DPP10: variants seen among roughly 807,000 people sequenced by gnomAD.
The protein encoded by DPP10 is inactive dipeptidyl peptidase 10.
DPP10 carries 33 observed loss-of-function variants against 120.9 expected under a neutral mutation model. The observed-to-expected ratio is 0.27, with a 90% confidence interval of 0.21 to 0.37. The LOEUF is 0.37. Ranked by LOEUF, DPP10 falls within the 10% of genes least tolerant of loss-of-function variation. The probability of loss-of-function intolerance (pLI) is 1.00; values close to 1 mark genes in which losing one functional copy is unlikely to be tolerated. For synonymous variants in DPP10, 337 were observed against 326.1 expected (o/e 1.03, Z -0.36); for missense variants, 816 against 942.8 (o/e 0.87, Z 1.76).
chr2:115,329,856 T>C (rs1465351550), intron 2 of DPP10, among the ~76,000 whole-genome samples: 2 of 152,314 alleles, frequency 1.3e-5, no homozygotes, highest in African/African-American at 2.4e-5. Flanking sequence ...TTTGGGTTGG[T>C]TCCAAGTCTT....
chr2:115,588,473 A>G (rs1037526675), intron 5 of DPP10, among the ~76,000 whole-genome samples: 3 of 152,188 alleles, frequency 2.0e-5, no homozygotes, highest in Admixed American at 1.3e-4. Flanking sequence ...CCCTACCATC[A>G]TGAAGAGGAT....
intron 5 of DPP10, among the ~76,000 whole-genome samples, chr2:115,563,319 G>A (rs1448541500): frequency 6.6e-6 from 1 of 151,860 alleles, no homozygotes; most frequent in Non-Finnish European, 1.5e-5. Flanking sequence ...AGACTTCCGA[G>A]GACATAAATC....
chr2:115,715,339 C>A (rs1169272073), intron 7 of DPP10, among the ~76,000 whole-genome samples: 45 of 67,626 alleles, frequency 6.7e-4, no homozygotes, highest in East Asian at 1.8e-3. Flanking sequence ...AACTCCGTCT[C>A]AAAAAAAAAA....
At chr2:114,874,022 G>A (rs1172419905) in intron 1 of DPP10, among the ~76,000 whole-genome samples, 1 of 152,176 alleles carries the variant, frequency 6.6e-6, no homozygotes, top group Non-Finnish European at 1.5e-5. Context: ...TAAAGTGGCT[G>A]CATTCAAAGA....
At chr2:114,637,168 G>C (rs1462874980) in intron 1 of DPP10, among the ~76,000 whole-genome samples, 1 of 151,868 alleles carries the variant, frequency 6.6e-6, no homozygotes, top group African/African-American at 2.4e-5. Flanking sequence ...GCAAGGTTTT[G>C]TTTCAAATAT....
chr2:114,634,631 T>C (rs950229320), intron 1 of DPP10, among the ~76,000 whole-genome samples: 2 of 152,078 alleles, frequency 1.3e-5, no homozygotes, highest in Middle Eastern at 3.4e-3. Context: ...TTAACTTCTC[T>C]GAGGTTTATT....
At chr2:115,180,115 A>G (rs2053976272) in intron 1 of DPP10, among the ~76,000 whole-genome samples, 1 of 152,206 alleles carries the variant, frequency 6.6e-6, no homozygotes, top group Non-Finnish European at 1.5e-5. Flanking sequence ...GCTTCTAGGA[A>G]GTCAAGCTGC....
intron 1 of DPP10, among the ~76,000 whole-genome samples, chr2:115,069,200 GTCT>G (rs756143261): frequency 1.3e-5 from 2 of 151,820 alleles, no homozygotes; most frequent in African/African-American, 4.8e-5. Flanking sequence ...GTTTATTTGT[GTCT>G]TCTTCAATTT....
rs540384565 is a variant in DPP10 at position 114,658,788 on chromosome 2, T to C, written c.60+215950T>C. Among the ~76,000 whole-genome samples, 23 of 152,338 alleles carry C rather than the reference T, an allele frequency of 1.5e-4. No homozygotes were observed. The South Asian group carries it at 4.1e-3, about 27-fold the overall frequency. On this transcript the variant is annotated intron_variant, in intron 1 of 25. Transcript: ENST00000410059. ...TACCTGTGATTGAATGTAATTATTA[T>C]ATCTTCTGGAATGTGAGCATACACT...
chr2:115,815,978 T>A (rs145639118), intron 21 of DPP10, among the ~76,000 whole-genome samples: 104 of 151,864 alleles, frequency 6.8e-4, no homozygotes, highest in Non-Finnish European at 1.3e-3. Context: ...TATGTATACA[T>A]ATGTAATTAC....
rs182451606 is a variant in DPP10 at position 115,601,278 on chromosome 2, A to C, written c.441+75306A>C. Among the ~76,000 whole-genome samples the C allele has an allele frequency of 3.9e-5, 6 of 152,350 alleles. No homozygotes were observed. The East Asian group carries it at 1.2e-3, about 29-fold the overall frequency. On this transcript the variant is annotated intron_variant, in intron 5 of 25. Coordinates refer to ENST00000410059, the MANE Select transcript of DPP10 (RefSeq NM_020868.6). ...CTCATTATCTGGACTATAAAATGTCATTAAGGTTTCCTAAGATTCAATTAG... is the reference window on the plus strand; with the variant it reads ...CTCATTATCTGGACTATAAAATGTCCTTAAGGTTTCCTAAGATTCAATTAG...
rs570858209 is a variant in DPP10 at position 115,525,390 on chromosome 2, C to G, written c.367-508C>G. Among the ~76,000 whole-genome samples, 82 of 152,184 alleles carry G rather than the reference C, an allele frequency of 5.4e-4. 1 individual carries two copies. The South Asian group carries it at 0.017, about 31-fold the overall frequency. On this transcript the variant is annotated intron_variant, in intron 4 of 25. Transcript: ENST00000410059. ...TTTGTTTGACATCAAATGCAATGTT[C>G]TGTATTTGTGTTTTAATCTGTTTCA...
intron 1 of DPP10, among the ~76,000 whole-genome samples, chr2:114,450,605 C>T (rs1478575541): frequency 6.6e-6 from 1 of 151,784 alleles, no homozygotes; most frequent in Admixed American, 6.6e-5. Flanking sequence ...CTTTGTTGAG[C>T]TAAGCAGAAC....
At chr2:115,052,498 T>C (rs949601013) in intron 1 of DPP10, among the ~76,000 whole-genome samples, 8 of 152,090 alleles carry the variant, frequency 5.3e-5, no homozygotes, top group African/African-American at 1.9e-4. Flanking sequence ...AACAACACAA[T>C]TGAAAAATCA....
At chr2:115,713,905 T>G (rs944457304) in intron 7 of DPP10, among the ~76,000 whole-genome samples, 2 of 152,212 alleles carry the variant, frequency 1.3e-5, no homozygotes, top group African/African-American at 4.8e-5. Context: ...CCAGAATGTT[T>G]ATGCACTGGT....
chr2:115,323,842 T>C (rs2062193319), intron 2 of DPP10, among the ~76,000 whole-genome samples: 1 of 152,186 alleles, frequency 6.6e-6, no homozygotes, highest in South Asian at 2.1e-4. Flanking sequence ...TAAACCATGC[T>C]GTATCCAAGT....
intron 1 of DPP10, among the ~76,000 whole-genome samples, chr2:114,716,740 G>T (rs968503642): frequency 6.6e-6 from 1 of 152,138 alleles, no homozygotes; most frequent in African/African-American, 2.4e-5. Context: ...GAAGTGTAAG[G>T]TTGATCTTCC....
In DPP10 at chr2:115,812,781, G is replaced by A. The variant is rs75246991; in HGVS notation, c.1701-2012G>A. 5.7e-4 allele frequency among the ~76,000 whole-genome samples: 86 copies of A among 151,950 alleles called. 1 individual carries two copies. In the East Asian group the frequency reaches 0.012, roughly 21 times the overall value. ...AATTTCTATGGCACAGTTTATTTAC[G>A]GTGTTTCTTTATTTATAATACATCT... On this transcript the variant is annotated intron_variant, in intron 19 of 25. Transcript: ENST00000410059.
chr2:114,987,482 C>G lies in DPP10; in HGVS notation c.61-321757C>G, dbSNP rs528685532. Reference sequence around the variant, plus strand: ...TTTCTATCCTCTCTTCTTGTCTCCTCTCATGTCATCTCCTTTCTTCTCTTT... The same window carrying G: ...TTTCTATCCTCTCTTCTTGTCTCCTGTCATGTCATCTCCTTTCTTCTCTTT... On this transcript the variant is annotated intron_variant, in intron 1 of 25. Transcript: ENST00000410059. Among the ~76,000 whole-genome samples the G allele has an allele frequency of 4.1e-4, 63 of 152,234 alleles. 1 individual carries two copies. The highest frequency in any genetic ancestry group is 4.1e-3 in the Admixed American group (62 of 15,296).
Sources: gnomAD v4.1 joint callset for allele counts (sites outside exome capture counted in the v4.1 genomes callset) on GRCh38, gnomAD v4.1.1 for gene constraint, MANE v1.5 for transcripts, NCBI Gene and HGNC (gene_info 2026-07-23, HGNC 2026-07-21) for gene names.